The following TAF1 variants were observed in gnomAD, a reference collection of about 807,000 sequenced individuals.
TAF1 encodes the protein transcription initiation factor TFIID subunit 1.
TAF1 carries 2 observed loss-of-function variants against 138.5 expected under a neutral mutation model. The observed-to-expected ratio is 0.01, with a 90% CI of 0.01 to 0.05. TAF1 has a LOEUF of 0.05. TAF1 is among the 10% of genes least tolerant of loss of function. The pLI, the probability that TAF1 is intolerant of heterozygous loss-of-function variation, is 1.00. For synonymous variants in TAF1, 437 were observed against 503.2 expected, an observed-to-expected ratio of 0.87 and a Z score of 1.76; for missense variants, 709 against 1,478.0, an observed-to-expected ratio of 0.48 and a Z score of 8.53.
intron 32 of TAF1, among the ~76,000 whole-genome samples, chrX:71,433,120 G>T (rs1372447469): frequency 1.8e-5 from 2 of 112,345 alleles, no homozygotes; most frequent in Non-Finnish European, 3.8e-5. Flanking sequence ...AAACTGGACA[G>T]ATACAAGGCT....
intron 1 of TAF1, among the ~76,000 whole-genome samples, chrX:71,366,870 A>G (rs1055105595): frequency 1.8e-5 from 2 of 111,428 alleles, no homozygotes; most frequent in African/African-American, 3.3e-5. Context: ...AGATGGCTCT[A>G]TAGAGCCAGA....
chrX:71,508,815 T>G (rs761384915), intron 13 of TAF1, among the ~76,000 whole-genome samples: 2 of 106,975 alleles, frequency 1.9e-5, no homozygotes, highest in Non-Finnish European at 3.9e-5. Flanking sequence ...TCTTGAATTT[T>G]TTTTTTTTTG....
intron 13 of TAF1, among the ~76,000 whole-genome samples, chrX:71,518,695 T>TC (rs146527661): frequency 1.4e-4 from 13 of 92,922 alleles, no homozygotes; most frequent in Admixed American, 1.2e-4. Context: ...TTTCTTTCTT[T>TC]TTTTTTTTTT....
chrX:71,400,151 G>T (rs1404902550), intron 24 of TAF1, among the ~76,000 whole-genome samples: 1 of 109,777 alleles, frequency 9.1e-6, no homozygotes, highest in Non-Finnish European at 1.9e-5. Context: ...GTGCAATGGT[G>T]TGATCTCCAC....
At position 71,494,423 on chromosome X, in the gene TAF1, AAAAT is replaced by A. The variant is rs759740708; in HGVS notation, c.1366+33646_1366+33649del. On this transcript the variant is annotated intron_variant and NMD_transcript_variant, in intron 13 of 14. Transcript: ENST00000373775. Reference sequence around the variant, plus strand: ...GGGCAACAGAGTGAGACTCTGTCTCAAAATAAATAAATAAATAAATAAATAAATA... The same window carrying A: ...GGGCAACAGAGTGAGACTCTGTCTCAAAATAAATAAATAAATAAATAAATA... Among the ~76,000 whole-genome samples the A allele has an allele frequency of 2.2e-4, 24 of 110,468 alleles. No homozygotes were observed. In the South Asian group the frequency reaches 4.2e-3, roughly 19 times the overall value.
rs1226995994 is a variant in TAF1, at chrX:71,384,224, A to G, written c.2121+89A>G. The G allele has an allele frequency of 1.2e-5, 13 of 1,045,569 alleles. No homozygotes were observed. In the Admixed American group the frequency reaches 3.2e-4, roughly 26 times the overall value. 86.2% of individuals were successfully genotyped at this position (1,045,569 alleles called of 1,213,427 possible). On this transcript the variant is annotated intron_variant, in intron 13 of 37. Transcript: ENST00000423759. ...TATGTACAAACTTTTTGTTATTAAC[A>G]TAGCTGTAGTGAGACAAACTGCAAA...
chrX:71,379,480 C>T (rs1020130731), intron 8 of TAF1, among the ~76,000 whole-genome samples: 3 of 109,562 alleles, frequency 2.7e-5, no homozygotes, highest in Non-Finnish European at 5.7e-5. Context: ...AATTCTAGTC[C>T]CTGTAATTTT....
At chrX:71,404,108 G>C (rs2035327401) in intron 25 of TAF1, among the ~76,000 whole-genome samples, 1 of 108,326 alleles carries the variant, frequency 9.2e-6, no homozygotes, top group Non-Finnish European at 1.9e-5. Flanking sequence ...CGAGTAGCTG[G>C]GATTACAGAC....
At chrX:71,450,447 C>T (rs927331397) in intron 32 of TAF1, among the ~76,000 whole-genome samples, 2 of 112,024 alleles carry the variant, frequency 1.8e-5, no homozygotes, top group African/African-American at 6.5e-5. Context: ...AAATGATCTC[C>T]CCACCTCGGC....
intron 13 of TAF1, among the ~76,000 whole-genome samples, chrX:71,494,914 G>C: frequency 8.9e-6 from 1 of 112,170 alleles, no homozygotes; most frequent in Non-Finnish European, 1.9e-5. Context: ...CTGCTGATTG[G>C]TCCATTTTAC....
chrX:71,476,323 C>A (rs1419666984), intron 13 of TAF1, among the ~76,000 whole-genome samples: 4 of 110,951 alleles, frequency 3.6e-5, no homozygotes, highest in Non-Finnish European at 7.5e-5. Flanking sequence ...GGAACTGGAA[C>A]TTGCCCTTTC....
At chrX:71,393,555 G>C (rs915848488) in intron 21 of TAF1, 79 bp downstream of exon 21, 1 of 1,091,648 alleles carries the variant, frequency 9.2e-7, no homozygotes, top group African/African-American at 1.9e-5. Flanking sequence ...ATAAAGAGGA[G>C]GTCACCTAAA....
At chrX:71,523,036 GCTGCGCATGGTGATGTGCGC>G (rs1279662022) in intron 13 of TAF1, among the ~76,000 whole-genome samples, 2 of 108,747 alleles carry the variant, frequency 1.8e-5, no homozygotes, top group Admixed American at 2.0e-4. Context: ...ACAAAAATTA[GCTGCGCATGGTGATGTGCGC>G]CTGTAGTCCC....
rs962102970 is a variant in TAF1 at position 71,370,261 on chromosome X, G to A, written c.352+2091G>A. 9.9e-5 allele frequency among the ~76,000 whole-genome samples: 11 copies of A among 111,197 alleles called. No homozygotes were observed. The Admixed American group carries it at 1.1e-3, about 11-fold the overall frequency. On this transcript the variant is annotated intron_variant, in intron 3 of 37. Transcript: ENST00000423759. ...GAAGTCCATTTTCTGATCTTGAGAAGTTCAATTTAGTGGTCTGGAATCTAG... is the reference window on the plus strand; with the variant it reads ...GAAGTCCATTTTCTGATCTTGAGAAATTCAATTTAGTGGTCTGGAATCTAG...
intron 32 of TAF1, among the ~76,000 whole-genome samples, chrX:71,447,145 T>G (rs2037730839): frequency 8.9e-6 from 1 of 111,789 alleles, no homozygotes; most frequent in Admixed American, 9.6e-5. Flanking sequence ...TTAAACTTTC[T>G]ACTTCTACTG....
intron 13 of TAF1, among the ~76,000 whole-genome samples, chrX:71,487,674 A>C (rs908814020): frequency 1.8e-5 from 2 of 111,959 alleles, no homozygotes; most frequent in Non-Finnish European, 3.8e-5. Flanking sequence ...TATCTCTAGA[A>C]GTTTATCTTT....
At chrX:71,422,326 T>C (rs1227088114) in intron 29 of TAF1, among the ~76,000 whole-genome samples, 1 of 107,060 alleles carries the variant, frequency 9.3e-6, no homozygotes, top group Non-Finnish European at 1.9e-5. Context: ...ACTGGAATTT[T>C]TTTTTTTTTT....
chrX:71,377,843 G>T, intron 6 of TAF1, 22 bp downstream of exon 6: 1 of 1,171,665 alleles, frequency 8.5e-7, no homozygotes, highest in Non-Finnish European at 1.1e-6. Context: ...AGAGACCTGA[G>T]ATTAAGGCCT....
intron 13 of TAF1, among the ~76,000 whole-genome samples, chrX:71,500,975 A>C (rs1444884881): frequency 9.2e-6 from 1 of 108,497 alleles, no homozygotes; most frequent in Non-Finnish European, 1.9e-5. Flanking sequence ...AGGCAGGAGA[A>C]TCGTTTGAAC....
Sources: gnomAD v4.1 joint callset for allele counts (sites outside exome capture counted in the v4.1 genomes callset) on GRCh38, gnomAD v4.1.1 for gene constraint, MANE v1.5 for transcripts, NCBI Gene and HGNC (gene_info 2026-07-23, HGNC 2026-07-21) for gene names.